The following LRRC7 variants were observed in gnomAD, a reference collection of about 807,000 sequenced individuals.
LRRC7 encodes the protein leucine rich repeat containing 7.
Under a neutral mutation model 175.7 loss-of-function variants are expected in LRRC7, and 23 were observed. The observed-to-expected ratio is 0.13, with a 90% confidence interval of 0.09 to 0.19. LRRC7 has a LOEUF of 0.19. Among genes scored for constraint, LRRC7 ranks in the 10% least tolerant of loss-of-function variants. The pLI is 1.00. For synonymous variants in LRRC7, 685 were observed against 680.9 expected, an observed-to-expected ratio of 1.01 and a Z score of -0.09; for missense variants, 1,354 against 1,904.7, an observed-to-expected ratio of 0.71 and a Z score of 5.38.
At chr1:69,882,746 C>A (rs1344613751) in intron 7 of LRRC7, among the ~76,000 whole-genome samples, 1 of 149,226 alleles carries the variant, frequency 6.7e-6, no homozygotes, top group South Asian at 2.2e-4. Context: ...GTATATCTCC[C>A]AATGCTATCC....
rs1656991361 is a variant in LRRC7, at chr1:70,016,676, A to T, written c.1320+142A>T. Reference sequence around the variant, plus strand: ...TATCCCCAGAAAGAGAGAATTTTGTAAAGATAGCAATTCAAACATTGCTGA... The same window carrying T: ...TATCCCCAGAAAGAGAGAATTTTGTTAAGATAGCAATTCAAACATTGCTGA... On this transcript the variant is annotated intron_variant, in intron 14 of 26. Coordinates refer to ENST00000651989, the MANE Select transcript of LRRC7 (RefSeq NM_001370785.2). 4.9e-6 allele frequency: 3 copies of T among 607,432 alleles called. No individual in the cohort carries two copies. In the South Asian group the frequency reaches 1.0e-4, roughly 21 times the overall value. The allele number at this position is 607,432 out of a possible 1,614,324, so 37.6% of individuals were successfully genotyped here. A position where few individuals can be genotyped will look rare whatever the true frequency, so the allele number is the denominator to read the frequency against.
At chr1:69,611,096 T>G (rs1393272248) in intron 1 of LRRC7, among the ~76,000 whole-genome samples, 1 of 152,040 alleles carries the variant, frequency 6.6e-6, no homozygotes, top group African/African-American at 2.4e-5. Flanking sequence ...ACAGCTCTTT[T>G]AAACTTTAAG....
chr1:69,718,126 A>AAAG (rs1553146096), intron 2 of LRRC7, among the ~76,000 whole-genome samples: 38 of 32,264 alleles, frequency 1.2e-3, no homozygotes, highest in African/African-American at 6.1e-3. Context: ...AGAAAGAAAG[A>AAAG]AAAGAAAGAA....
At chr1:69,827,048 A>G (rs563845109) in intron 5 of LRRC7, among the ~76,000 whole-genome samples, 1 of 152,164 alleles carries the variant, frequency 6.6e-6, no homozygotes, top group African/African-American at 2.4e-5. Flanking sequence ...TAAAAATTAC[A>G]GTTTTTCTTC....
intron 1 of LRRC7, among the ~76,000 whole-genome samples, chr1:69,675,976 T>C (rs796566002): frequency 3.3e-5 from 5 of 149,786 alleles, no homozygotes; most frequent in African/African-American, 1.2e-4. Flanking sequence ...TCTTATACTT[T>C]ACAAACATAG....
chr1:69,743,245 C>A (rs1440226858), intron 2 of LRRC7, among the ~76,000 whole-genome samples: 1 of 151,882 alleles, frequency 6.6e-6, no homozygotes, highest in African/African-American at 2.4e-5. Flanking sequence ...CAGCTTACCA[C>A]AATAAATGTT....
chr1:70,067,076 C>A (rs1354992371), intron 23 of LRRC7, among the ~76,000 whole-genome samples: 1 of 151,984 alleles, frequency 6.6e-6, no homozygotes, highest in Non-Finnish European at 1.5e-5. Context: ...ATCTGTATAT[C>A]CTCTTTGGTA....
intron 3 of LRRC7, among the ~76,000 whole-genome samples, chr1:69,783,218 T>C (rs1330133878): frequency 6.6e-6 from 1 of 152,182 alleles, no homozygotes; most frequent in Non-Finnish European, 1.5e-5. Flanking sequence ...AACCCCTCTC[T>C]GTAAACATGG....
At chr1:69,602,386 A>C (rs1647111822) in intron 1 of LRRC7, among the ~76,000 whole-genome samples, 1 of 152,182 alleles carries the variant, frequency 6.6e-6, no homozygotes, top group Non-Finnish European at 1.5e-5. Context: ...CCTTTGGAAT[A>C]AACTAATGAC....
intron 1 of LRRC7, among the ~76,000 whole-genome samples, chr1:69,604,696 C>T (rs530012454): frequency 3.3e-4 from 49 of 147,030 alleles, no homozygotes; most frequent in African/African-American, 1.2e-3. Flanking sequence ...TCTAAATATA[C>T]CATTTTTTTT....
intron 7 of LRRC7, among the ~76,000 whole-genome samples, chr1:69,840,913 G>A (rs931941378): frequency 1.3e-5 from 2 of 152,062 alleles, no homozygotes; most frequent in African/African-American, 4.8e-5. Flanking sequence ...TTTTTTGAGG[G>A]ATAGTCAGAA....
chr1:69,589,475 T>C (rs896615277), intron 1 of LRRC7, among the ~76,000 whole-genome samples: 1 of 151,982 alleles, frequency 6.6e-6, no homozygotes, highest in Non-Finnish European at 1.5e-5. Flanking sequence ...CGGGAGTGAG[T>C]CCTCTGGCCC....
chr1:69,946,759 A>C (rs1649363180), intron 8 of LRRC7, among the ~76,000 whole-genome samples: 1 of 151,954 alleles, frequency 6.6e-6, no homozygotes, highest in Non-Finnish European at 1.5e-5. Context: ...TTTTTCATCC[A>C]TTCACTTTCA....
chr1:70,069,092 C>T (rs1159662108), intron 23 of LRRC7, among the ~76,000 whole-genome samples: 2 of 152,024 alleles, frequency 1.3e-5, no homozygotes, highest in African/African-American at 2.4e-5. Flanking sequence ...TGGTAGTTTG[C>T]TTTAGTTTTC....
At chr1:69,919,361 C>A in intron 7 of LRRC7, 2 of 605,788 alleles carry the variant, frequency 3.3e-6, no homozygotes, top group Non-Finnish European at 5.9e-6. Context: ...GGAAAGATGG[C>A]GGACGAGGAG....
At chr1:69,597,131 G>T (rs1646875021) in intron 1 of LRRC7, among the ~76,000 whole-genome samples, 1 of 152,140 alleles carries the variant, frequency 6.6e-6, no homozygotes, top group African/African-American at 2.4e-5. Context: ...ATAAAAATAA[G>T]TCTATATGTG....
chr1:69,820,256 T>C (rs1679124139), intron 4 of LRRC7, among the ~76,000 whole-genome samples: 1 of 152,150 alleles, frequency 6.6e-6, no homozygotes, highest in African/African-American at 2.4e-5. Context: ...TATAACATCT[T>C]ATAGTTATAA....
rs535498569 is a variant in LRRC7, at chr1:69,829,090, T to C, written c.500+3264T>C. Among the ~76,000 whole-genome samples the C allele has an allele frequency of 3.3e-5, 5 of 152,114 alleles. No homozygotes were observed. In the South Asian group the frequency reaches 1.0e-3, roughly 32 times the overall value. On this transcript the variant is annotated intron_variant, in intron 5 of 26. Transcript: ENST00000651989. ...CTAAATAAAAGTATTAAAATTTCTTTGATTTGCTGATTCTTACTATGGGAT... is the reference window on the plus strand; with the variant it reads ...CTAAATAAAAGTATTAAAATTTCTTCGATTTGCTGATTCTTACTATGGGAT...
chr1:70,119,730 A>G (rs1666094959), intron 26 of LRRC7, among the ~76,000 whole-genome samples: 1 of 152,120 alleles, frequency 6.6e-6, no homozygotes, highest in Non-Finnish European at 1.5e-5. Context: ...CAAATCCTAG[A>G]AAATTTTTTA....
Sources: allele counts gnomAD v4.1 joint callset (sites outside exome capture counted in the v4.1 genomes callset), GRCh38; gene constraint gnomAD v4.1.1; transcripts MANE v1.5; gene names NCBI Gene and HGNC (gene_info 2026-07-23, HGNC 2026-07-21).